The following PPP1R14C variants were observed in gnomAD, a reference collection of about 807,000 sequenced individuals.
The protein encoded by PPP1R14C is protein phosphatase 1 regulatory subunit 14C.
Under a neutral mutation model 20.4 loss-of-function variants are expected in PPP1R14C, and 16 were observed. The observed-to-expected ratio is 0.78, with a 90% CI of 0.53 to 1.19. PPP1R14C has a LOEUF of 1.19. Ranked by LOEUF, PPP1R14C falls within the 50% of genes most tolerant of loss-of-function variation. PPP1R14C has a pLI of 0.00. For synonymous variants in PPP1R14C, 91 were observed against 91.0 expected (o/e 1.00, Z 0.00); for missense variants, 211 against 220.1 (o/e 0.96, Z 0.26).
At chr6:150,183,192 T>G (rs1777641108) in intron 1 of PPP1R14C, among the ~76,000 whole-genome samples, 1 of 152,166 alleles carries the variant, frequency 6.6e-6, no homozygotes, top group Non-Finnish European at 1.5e-5. Context: ...GGGGATTTTT[T>G]TTTTTTTAGT....
chr6:150,203,845 T>C (rs1777909121), intron 1 of PPP1R14C, among the ~76,000 whole-genome samples: 1 of 152,192 alleles, frequency 6.6e-6, no homozygotes, highest in African/African-American at 2.4e-5. Flanking sequence ...CAGCTCAGGC[T>C]CAATCCCTAA....
intron 1 of PPP1R14C, among the ~76,000 whole-genome samples, chr6:150,145,422 A>C (rs1353049372): frequency 6.6e-6 from 1 of 152,140 alleles, no homozygotes. Context: ...TTTTTCTTCA[A>C]GTTGTTTGTT....
In PPP1R14C at chr6:150,161,013, C is replaced by T. The variant is rs190056048; in HGVS notation, c.306+17515C>T. ...ACCAAGATATGGCCGGGTGCGGTGG[C>T]TCATGCCTGTAATCCCAGCACTTTG... On this transcript the variant is annotated intron_variant, in intron 1 of 3. Coordinates refer to ENST00000361131, the MANE Select transcript of PPP1R14C (RefSeq NM_030949.3). 8.7e-4 allele frequency among the ~76,000 whole-genome samples: 132 copies of T among 152,224 alleles called. 1 individual carries two copies. The highest frequency in any genetic ancestry group is 1.5e-3 in the Non-Finnish European group (101 of 68,008).
At chr6:150,198,958 A>T (rs1777843637) in intron 1 of PPP1R14C, among the ~76,000 whole-genome samples, 1 of 151,842 alleles carries the variant, frequency 6.6e-6, no homozygotes, top group Non-Finnish European at 1.5e-5. Flanking sequence ...TCTCCAAAAG[A>T]TGTGCAGAAA....
chr6:150,186,093 G>T (rs1777673626), intron 1 of PPP1R14C, among the ~76,000 whole-genome samples: 2 of 152,152 alleles, frequency 1.3e-5, no homozygotes, highest in Admixed American at 1.3e-4. Flanking sequence ...ACCAAGGATG[G>T]GTTTGCGATA....
In PPP1R14C at chr6:150,233,937, G is replaced by A. The variant is rs903248379; in HGVS notation, c.424-14809G>A. Among the ~76,000 whole-genome samples, 6 of 152,200 alleles carry A rather than the reference G, an allele frequency of 3.9e-5. No individual in the cohort carries two copies. The East Asian group carries it at 5.8e-4, about 15-fold the overall frequency. On this transcript the variant is annotated intron_variant, in intron 3 of 3. Transcript: ENST00000361131. ...CACCCACATTCACTCACACTGGAAC[G>A]TTGTAGCTATGGCAGTTCACGTAAC...
intron 1 of PPP1R14C, among the ~76,000 whole-genome samples, chr6:150,200,252 A>T (rs892625377): frequency 6.6e-6 from 1 of 152,122 alleles, no homozygotes; most frequent in Non-Finnish European, 1.5e-5. Context: ...ACATACCTGT[A>T]GGATGTACAA....
intron 1 of PPP1R14C, among the ~76,000 whole-genome samples, chr6:150,181,840 T>C (rs1450155430): frequency 2.0e-5 from 3 of 152,248 alleles, no homozygotes; most frequent in Non-Finnish European, 4.4e-5. Context: ...ATGATTTTGA[T>C]CTACGACAGG....
chr6:150,205,432 C>T (rs571714592), intron 1 of PPP1R14C, among the ~76,000 whole-genome samples: 20 of 152,270 alleles, frequency 1.3e-4, no homozygotes, highest in Admixed American at 3.3e-4. Context: ...TGCTAAATGG[C>T]TCACCCAACT....
intron 1 of PPP1R14C, among the ~76,000 whole-genome samples, chr6:150,202,702 G>T (rs1410233563): frequency 2.6e-5 from 4 of 152,196 alleles, no homozygotes; most frequent in African/African-American, 9.6e-5. Context: ...TTGGCTGAAG[G>T]TCATTGTATG....
chr6:150,194,532 T>A, intron 1 of PPP1R14C: 1 of 976,126 alleles, frequency 1.0e-6, no homozygotes, highest in African/African-American at 1.8e-5. Flanking sequence ...GCTTTTCCAT[T>A]AATTAAAGGA....
intron 1 of PPP1R14C, among the ~76,000 whole-genome samples, chr6:150,148,262 A>G (rs1260057955): frequency 6.6e-6 from 1 of 152,118 alleles, no homozygotes; most frequent in Non-Finnish European, 1.5e-5. Flanking sequence ...TGAGACCCCC[A>G]TTTTGTGGAG....
chr6:150,242,810 C>T (rs1562278489), intron 3 of PPP1R14C, among the ~76,000 whole-genome samples: 1 of 151,854 alleles, frequency 6.6e-6, no homozygotes, highest in African/African-American at 2.4e-5. Flanking sequence ...ATAGAATCTA[C>T]AAAAAAATCT....
intron 1 of PPP1R14C, among the ~76,000 whole-genome samples, chr6:150,193,895 G>A (rs115902633): frequency 0.011 from 1,652 of 152,214 alleles, 42 homozygotes; most frequent in African/African-American, 0.038. Flanking sequence ...GTTTGGCTGT[G>A]TCCCCACCCA....
chr6:150,183,966 A>G (rs1198692250), intron 1 of PPP1R14C, among the ~76,000 whole-genome samples: 5 of 152,238 alleles, frequency 3.3e-5, no homozygotes, highest in African/African-American at 9.6e-5. Flanking sequence ...GACAGTTCAC[A>G]TATTTCCCAA....
intron 1 of PPP1R14C, among the ~76,000 whole-genome samples, chr6:150,173,075 A>G (rs2114870994): frequency 6.6e-6 from 1 of 152,284 alleles, no homozygotes; most frequent in South Asian, 2.1e-4. Flanking sequence ...CAAAGAAAGC[A>G]CAGAGTTTTC....
intron 1 of PPP1R14C, among the ~76,000 whole-genome samples, chr6:150,177,812 G>A (rs1230515072): frequency 4.6e-5 from 7 of 152,148 alleles, no homozygotes; most frequent in Non-Finnish European, 8.8e-5. Flanking sequence ...GAGCCAGTCC[G>A]GACTGCAGCA....
At chr6:150,160,525 G>A (rs1261493198) in intron 1 of PPP1R14C, among the ~76,000 whole-genome samples, 4 of 151,276 alleles carry the variant, frequency 2.6e-5, no homozygotes, top group Non-Finnish European at 4.4e-5. Context: ...CACCCGCCTC[G>A]GCCTCCCAAA....
chr6:150,196,096 A>C, intron 1 of PPP1R14C: 1 of 985,374 alleles, frequency 1.0e-6, no homozygotes, highest in Non-Finnish European at 1.2e-6. Flanking sequence ...CCTTTCTATA[A>C]ATAGGAGCAT....
Sources: gnomAD v4.1 joint callset for allele counts (sites outside exome capture counted in the v4.1 genomes callset) on GRCh38, gnomAD v4.1.1 for gene constraint, MANE v1.5 for transcripts, NCBI Gene and HGNC (gene_info 2026-07-23, HGNC 2026-07-21) for gene names.